The following HIVEP1 variants were observed in gnomAD, a reference collection of about 807,000 sequenced individuals.
HIVEP1 encodes the protein HIVEP zinc finger 1.
Under a neutral mutation model 180.0 loss-of-function variants are expected in HIVEP1, and 36 were observed. The ratio of observed to expected loss-of-function variants is 0.20; its 90% CI spans 0.15 to 0.26. The LOEUF (loss-of-function observed/expected upper bound fraction) is 0.26. Among genes scored for constraint, HIVEP1 ranks in the 10% least tolerant of loss-of-function variants. HIVEP1 has a pLI of 1.00. For missense variants in HIVEP1, 3,143 were observed against 3,268.7 expected (o/e 0.96, Z 0.94); for synonymous variants, 1,239 against 1,239.0 (o/e 1.00, Z 0.00).
At chr6:12,060,564 C>T (rs184571762) in intron 2 of HIVEP1, among the ~76,000 whole-genome samples, 116 of 144,934 alleles carry the variant, frequency 8.0e-4, no homozygotes, top group African/African-American at 3.3e-3. Context: ...GATGGCCTCT[C>T]TCTCTCTGTC....
At chr6:12,054,537 A>G (rs1431692716) in intron 2 of HIVEP1, among the ~76,000 whole-genome samples, 4 of 152,252 alleles carry the variant, frequency 2.6e-5, no homozygotes, top group Non-Finnish European at 5.9e-5. Context: ...TTGGCATCAT[A>G]CAGTATATCT....
intron 3 of HIVEP1, among the ~76,000 whole-genome samples, chr6:12,097,962 C>G (rs1004080739): frequency 1.3e-5 from 2 of 152,138 alleles, no homozygotes; most frequent in Non-Finnish European, 2.9e-5. Context: ...TCATTAGAGA[C>G]TTAAGTAGCT....
chr6:12,016,967 A>G (rs919914126), intron 2 of HIVEP1, among the ~76,000 whole-genome samples: 1 of 152,204 alleles, frequency 6.6e-6, no homozygotes, highest in African/African-American at 2.4e-5. Flanking sequence ...AGTGCAGCAT[A>G]CAGATGAGCA....
At chr6:12,162,319 A>T (rs1760460933) in intron 8 of HIVEP1, among the ~76,000 whole-genome samples, 1 of 151,752 alleles carries the variant, frequency 6.6e-6, no homozygotes, top group Admixed American at 6.6e-5. Context: ...TGCTGATGTG[A>T]TGATGGATTT....
rs757366527 is a variant in HIVEP1, at chr6:12,121,323, G to T, written c.1528G>T (p.Ala510Ser). 1 of 1,614,090 alleles carries T rather than the reference G, an allele frequency of 6.2e-7. No individual in the cohort carries two copies. Among genetic ancestry groups the T allele is most frequent in the South Asian group, 1.1e-5 (1 of 91,084 alleles). The change falls in exon 4 of 9, where the codon GCC becomes TCC. Residue 510 changes from alanine (A) to serine (S), a missense_variant. Transcript: ENST00000379388. The surrounding 1 kb of genome is among the most constrained non-coding windows in gnomAD (Gnocchi z 5.3). ...TGATGAGAGACAGCATGACCTGGGC[G>T]CCATGGAGCTGCAGCCTGTGCACAT... ...ATDERQHDLG[A>S]MELQPVHIIK...
At chr6:12,018,039 G>A (rs910627654) in intron 2 of HIVEP1, among the ~76,000 whole-genome samples, 2 of 152,226 alleles carry the variant, frequency 1.3e-5, no homozygotes, top group Admixed American at 6.5e-5. Flanking sequence ...TAGGCATGGC[G>A]GGCTGCAGGT....
chr6:12,124,748 A>T lies in HIVEP1; in HGVS notation c.4953A>T (p.Thr1651=), dbSNP rs760316380. The T allele has an allele frequency of 1.9e-6, 3 of 1,614,020 alleles. No homozygotes were observed. Among genetic ancestry groups the T allele is most frequent in the Non-Finnish European group, 2.5e-6 (3 of 1,179,996 alleles). The change falls in exon 4 of 9, where the codon ACA becomes ACT. Residue 1651 remains threonine (T), a synonymous_variant. Transcript: ENST00000379388. ...QSSVPAYCFA[T]LTSLPQILVT... is the part of the protein sequence containing the mutation. ...GTGTTCCTGCTTACTGTTTTGCTAC[A>T]CTCACATCCCTGCCACAAATACTAG...
chr6:12,121,939 C>G lies in HIVEP1; in HGVS notation c.2144C>G (p.Thr715Ser). 1 of 1,614,190 alleles carries G rather than the reference C, an allele frequency of 6.2e-7. No individual in the cohort carries two copies. Among genetic ancestry groups the G allele is most frequent in the Non-Finnish European group, 8.5e-7 (1 of 1,180,032 alleles). ...AACGGACCCTCTGCAGCTCTTGTCA[C>G]CACGTCAACACCCTCTGCTTTGCCC... is the stretch of plus-strand genomic sequence containing the variant. ...RSNGPSAALV[T>S]TSTPSALPTG... Residue 715 changes from threonine to serine, a missense_variant, in exon 4 of 9, where the codon ACC (threonine) becomes AGC (serine). Coordinates refer to ENST00000379388, the MANE Select transcript of HIVEP1 (RefSeq NM_002114.4). This position sits in a 1 kb window ranked among gnomAD's most constrained non-coding sequence, Gnocchi z 5.3.
chr6:12,113,980 A>T (rs533192409), intron 3 of HIVEP1, among the ~76,000 whole-genome samples: 30 of 151,840 alleles, frequency 2.0e-4, no homozygotes, highest in African/African-American at 6.5e-4. Context: ...TATTTAATTA[A>T]TTTTTCTGTC....
intron 8 of HIVEP1, among the ~76,000 whole-genome samples, chr6:12,162,222 TAAAAAAA>T (rs67198436): frequency 6.8e-6 from 1 of 146,030 alleles, no homozygotes; most frequent in African/African-American, 2.5e-5. Context: ...TTTTTGAAAT[TAAAAAAA>T]AAAAAAAACG....
chr6:12,161,839 G>A lies in HIVEP1; in HGVS notation c.6888G>A (p.Arg2296=), dbSNP rs768808082. Residue 2296 remains arginine, a synonymous_variant, in exon 8 of 9, where the codon AGG becomes AGA. Transcript: ENST00000379388. Reference sequence around the variant, plus strand: ...CAATTCCGTCTGTAGACACTTCCAGGTCCCCGTGTCATCAGATGTCTGTGG... The same window carrying A: ...CAATTCCGTCTGTAGACACTTCCAGATCCCCGTGTCATCAGATGTCTGTGG... ...NDTIPSVDTS[R]SPCHQMSVDY... 2 of 1,614,068 alleles carry A rather than the reference G, an allele frequency of 1.2e-6. No individual in the cohort carries two copies. The highest frequency in any genetic ancestry group is 2.7e-5 in the African/African-American group (2 of 75,050).
At chr6:12,025,194 A>G (rs1768497920) in intron 2 of HIVEP1, among the ~76,000 whole-genome samples, 1 of 152,150 alleles carries the variant, frequency 6.6e-6, no homozygotes, top group South Asian at 2.1e-4. Flanking sequence ...GCTGATGTTG[A>G]TAGTAGAAAG....
intron 3 of HIVEP1, among the ~76,000 whole-genome samples, chr6:12,113,705 C>A (rs1447667894): frequency 1.3e-5 from 2 of 152,122 alleles, no homozygotes; most frequent in African/African-American, 4.8e-5. Flanking sequence ...AGATGAACAG[C>A]AAGGTTGGCT....
chr6:12,106,983 G>C (rs577150420), intron 3 of HIVEP1, among the ~76,000 whole-genome samples: 2 of 152,232 alleles, frequency 1.3e-5, no homozygotes, highest in African/African-American at 4.8e-5. Flanking sequence ...GGTTTTTCAG[G>C]TATCTTTCTG....
intron 2 of HIVEP1, among the ~76,000 whole-genome samples, chr6:12,026,556 T>A (rs1414047302): frequency 6.6e-6 from 1 of 152,212 alleles, no homozygotes; most frequent in African/African-American, 2.4e-5. Context: ...AGGAAACTTA[T>A]TAGATTTAAT....
the HIVEP1 span, among the ~76,000 whole-genome samples, chr6:12,211,609 C>T: frequency 6.6e-6 from 1 of 151,066 alleles, no homozygotes; most frequent in Non-Finnish European, 1.5e-5. Flanking sequence ...TTTAGTATTG[C>T]CCGATTTTGA....
chr6:12,170,227 G>A, the HIVEP1 span, among the ~76,000 whole-genome samples: 2 of 152,248 alleles, frequency 1.3e-5, no homozygotes, highest in African/African-American at 2.4e-5. Flanking sequence ...AAGATGCAAG[G>A]TATCTTGAAT....
the HIVEP1 span, among the ~76,000 whole-genome samples, chr6:12,185,231 G>T: frequency 6.6e-6 from 1 of 152,220 alleles, no homozygotes; most frequent in Non-Finnish European, 1.5e-5. Context: ...TCCACACTGT[G>T]GTGTAAGGCG....
chr6:12,159,066 G>C (rs1251709107), intron 7 of HIVEP1, among the ~76,000 whole-genome samples: 1 of 152,182 alleles, frequency 6.6e-6, no homozygotes, highest in East Asian at 1.9e-4. Context: ...CCTGACTGGG[G>C]TTCTGTTGTG....
Sources: allele counts gnomAD v4.1 joint callset (sites outside exome capture counted in the v4.1 genomes callset), GRCh38; gene constraint gnomAD v4.1.1; non-coding constraint Gnocchi (gnomAD v3.1); transcripts MANE v1.5; gene names NCBI Gene and HGNC (gene_info 2026-07-23, HGNC 2026-07-21).